AGO4: variants seen among roughly 807,000 people sequenced by gnomAD.
AGO4 encodes the protein argonaute RISC component 4, also known as protein argonaute-4.
AGO4 carries 33 observed loss-of-function variants against 104.7 expected under a neutral mutation model. The observed-to-expected ratio is 0.32, with a 90% CI of 0.24 to 0.42. The LOEUF (loss-of-function observed/expected upper bound fraction) is 0.42, where lower values mean the gene tolerates loss of function less well. Among genes scored for constraint, AGO4 ranks in the 10% least tolerant of loss-of-function variants. AGO4 has a pLI of 1.00. For missense variants in AGO4, 711 were observed against 1,083.4 expected (o/e 0.66, Z 4.83); for synonymous variants, 331 against 364.7 (o/e 0.91, Z 1.05).
intron 6 of AGO4, 129 bp from the exon 7 acceptor site, chr1:35,826,619 A>G: frequency 2.4e-6 from 2 of 826,776 alleles, no homozygotes; most frequent in Non-Finnish European, 4.0e-6. Flanking sequence ...TATAACGATG[A>G]AATTGTCCCC....
At chr1:35,823,651 G>C (rs897094410) in intron 3 of AGO4, among the ~76,000 whole-genome samples, 2 of 150,704 alleles carry the variant, frequency 1.3e-5, no homozygotes, top group Non-Finnish European at 3.0e-5. Flanking sequence ...GGCTGGTCTC[G>C]AACTCCTGAC....
Position 35,841,811 on chromosome 1 carries a change from CAT to C in AGO4, c.2175+87_2175+88del, listed in dbSNP as rs5773512. ...CTCTGGCAAGAGATGTATATATGCA[CAT>C]ATATATATATATATATATATATATA... On this transcript the variant is annotated intron_variant, in intron 15 of 17. Transcript: ENST00000373210. This position sits in a 1 kb window ranked among gnomAD's most constrained non-coding sequence, Gnocchi z 4.7. 0.44 allele frequency: 268,298 copies of C among 603,510 alleles called. 39,184 individuals carry two copies. The highest frequency in any genetic ancestry group is 0.48 in the Non-Finnish European group (197,795 of 414,646). 37.4% of individuals were successfully genotyped at this position (603,510 alleles called of 1,614,324 possible). A position where few individuals can be genotyped will look rare whatever the true frequency, so the allele number is the denominator to read the frequency against.
intron 2 of AGO4, among the ~76,000 whole-genome samples, chr1:35,819,336 C>G (rs1283807674): frequency 6.6e-6 from 1 of 151,350 alleles, no homozygotes; most frequent in Non-Finnish European, 1.5e-5. Flanking sequence ...TAGCTCGTAC[C>G]TGTAATCCCA....
intron 2 of AGO4, among the ~76,000 whole-genome samples, chr1:35,818,639 A>AAGAAAGAAAGAAAGAAAGAAAGAG: frequency 1.0e-5 from 1 of 98,288 alleles, no homozygotes; most frequent in African/African-American, 3.7e-5. Context: ...GAAAGAAAGA[A>AAGAAAGAAAGAAAGAAAGAAAGAG]AGAAAGAAAG....
In AGO4 at chr1:35,832,459, A is replaced by G. The variant is rs368090587; in HGVS notation, c.1268A>G (p.Asn423Ser). ...GGRNKTVATP[N>S]QGVWDMRGKQ... ...AAGAATAAAACAGTAGCCACACCCAACCAGGGTGTCTGGGACATGCGAGGA... is the reference window on the plus strand; with the variant it reads ...AAGAATAAAACAGTAGCCACACCCAGCCAGGGTGTCTGGGACATGCGAGGA... The change falls in exon 11 of 18, where the codon AAC (asparagine) becomes AGC (serine). Residue 423 changes from asparagine to serine, a missense_variant. By Grantham distance (46) the Asn-to-Ser change is conservative. This residue lies in a region of AGO4 where 401 missense variants were observed against 665.5 expected (regional missense o/e 0.60). Coordinates refer to ENST00000373210, the MANE Select transcript of AGO4 (RefSeq NM_017629.4). 31 of 1,609,268 alleles carry G rather than the reference A, an allele frequency of 1.9e-5. No individual in the cohort carries two copies. In the African/African-American group the frequency reaches 3.8e-4, roughly 20 times the overall value.
chr1:35,816,091 G>A (rs901349214), intron 1 of AGO4, among the ~76,000 whole-genome samples: 3 of 152,264 alleles, frequency 2.0e-5, no homozygotes, highest in Non-Finnish European at 2.9e-5. Context: ...TTTCACTATC[G>A]AAATTAGCAA....
intron 16 of AGO4, among the ~76,000 whole-genome samples, chr1:35,850,638 G>T (rs141928209): frequency 5.1e-4 from 77 of 151,740 alleles, no homozygotes; most frequent in African/African-American, 1.8e-3. Flanking sequence ...AAAATTATCT[G>T]GGCATGGTGG....
intron 1 of AGO4, among the ~76,000 whole-genome samples, chr1:35,809,048 T>G (rs940021826): frequency 6.6e-6 from 1 of 152,088 alleles, no homozygotes; most frequent in Admixed American, 6.6e-5. Context: ...AGTCTCAGAG[T>G]GGTCTGAGCC....
At chr1:35,830,793 C>T (rs982369891) in intron 7 of AGO4, among the ~76,000 whole-genome samples, 2 of 151,128 alleles carry the variant, frequency 1.3e-5, no homozygotes, top group Non-Finnish European at 3.0e-5. Flanking sequence ...CTGGCCAATG[C>T]GGTGAAACCC....
At chr1:35,824,776 G>A (rs1364498275) in intron 3 of AGO4, among the ~76,000 whole-genome samples, 1 of 152,082 alleles carries the variant, frequency 6.6e-6, no homozygotes, top group Non-Finnish European at 1.5e-5. Context: ...ACTCCAGCTT[G>A]GATGACAGAG....
At position 35,825,705 on chromosome 1, in the gene AGO4, T is replaced by C; in HGVS notation, c.515T>C (p.Phe172Ser). ...MRYTPVGRSF[F>S]SPPEGYYHPL... is the part of the protein sequence containing the mutation. ...TACACCCCAGTGGGCCGTTCCTTTT[T>C]CTCACCCCCGGAAGGTTACTACCAC... is the stretch of plus-strand genomic sequence containing the variant. Residue 172 changes from phenylalanine to serine, a missense_variant, in exon 5 of 18, where the codon TTC becomes TCC. Phe to Ser is a radical substitution (Grantham distance 155). Coordinates refer to ENST00000373210, the MANE Select transcript of AGO4 (RefSeq NM_017629.4). 1 of 1,568,726 alleles carries C rather than the reference T, an allele frequency of 6.4e-7. No homozygotes were observed. The highest frequency in any genetic ancestry group is 8.6e-7 in the Non-Finnish European group (1 of 1,163,506).
At chr1:35,811,766 A>G (rs1033461403) in intron 1 of AGO4, among the ~76,000 whole-genome samples, 1 of 151,824 alleles carries the variant, frequency 6.6e-6, no homozygotes, top group African/African-American at 2.4e-5. Flanking sequence ...CGCCTGGCTA[A>G]TTTTTGTATT....
rs1397163414 is a variant in AGO4, at chr1:35,816,644, C to A, written c.20-238C>A. ...TGAAACCCTGTCTCTACTAAAAATA[C>A]AAAAATTAGCCAGGCCTGGTGGCAG... is the stretch of plus-strand genomic sequence containing the variant. On this transcript the variant is annotated intron_variant, in intron 1 of 17. Transcript: ENST00000373210. Among the ~76,000 whole-genome samples the A allele has an allele frequency of 2.0e-5, 3 of 151,716 alleles. No individual in the cohort carries two copies. In the South Asian group the frequency reaches 6.3e-4, roughly 32 times the overall value.
At chr1:35,815,657 A>G (rs1032973370) in intron 1 of AGO4, among the ~76,000 whole-genome samples, 16 of 152,206 alleles carry the variant, frequency 1.1e-4, no homozygotes, top group Admixed American at 5.9e-4. Context: ...ATATTACTCT[A>G]TCTACATCAG....
chr1:35,810,773 T>C (rs1571247928), intron 1 of AGO4, among the ~76,000 whole-genome samples: 1 of 152,180 alleles, frequency 6.6e-6, no homozygotes, highest in African/African-American at 2.4e-5. Flanking sequence ...TCATCTGTTC[T>C]ATGTTGTCAT....
At chr1:35,813,498 T>G (rs536870442) in intron 1 of AGO4, among the ~76,000 whole-genome samples, 1 of 151,974 alleles carries the variant, frequency 6.6e-6, no homozygotes, top group African/African-American at 2.4e-5. Flanking sequence ...GGCTCATGAC[T>G]GTAATCCCAG....
At chr1:35,814,867 A>C (rs142014978) in intron 1 of AGO4, among the ~76,000 whole-genome samples, 17 of 152,198 alleles carry the variant, frequency 1.1e-4, no homozygotes, top group African/African-American at 3.4e-4. Flanking sequence ...GTGATGTTGG[A>C]ACAGAACAAC....
At position 35,841,259 on chromosome 1, in the gene AGO4, G is replaced by A; in HGVS notation, c.1819G>A (p.Val607Ile). The A allele has an allele frequency of 1.2e-6, 2 of 1,614,114 alleles. No homozygotes were observed. The highest frequency in any genetic ancestry group is 1.7e-6 in the Non-Finnish European group (2 of 1,180,026). The change falls in exon 14 of 18, where the codon GTT becomes ATT. Residue 607 changes from valine (V) to isoleucine (I), a missense_variant. By Grantham distance (29) the Val-to-Ile change is conservative. This residue lies in a region of AGO4 where 401 missense variants were observed against 665.5 expected (regional missense o/e 0.60). Coordinates refer to ENST00000373210, the MANE Select transcript of AGO4 (RefSeq NM_017629.4). The surrounding 1 kb of genome is among the most constrained non-coding windows in gnomAD (Gnocchi z 4.7). Reference sequence around the variant, plus strand: ...GAAGAAACCTTCCATTGCTGCTGTGGTTGGCAGTATGGATGGCCACCCCAG... The same window carrying A: ...GAAGAAACCTTCCATTGCTGCTGTGATTGGCAGTATGGATGGCCACCCCAG... Reference protein sequence around the residue: ...DGKKPSIAAVVGSMDGHPSRY... With the variant: ...DGKKPSIAAVIGSMDGHPSRY...
chr1:35,819,514 G>T (rs1643838308), intron 2 of AGO4, among the ~76,000 whole-genome samples: 1 of 151,874 alleles, frequency 6.6e-6, no homozygotes, highest in South Asian at 2.1e-4. Context: ...TGGATCACGA[G>T]GTCAGAAGAT....
Sources: gnomAD v4.1 joint callset for allele counts (sites outside exome capture counted in the v4.1 genomes callset) on GRCh38, gnomAD v4.1.1 for gene constraint, gnomAD v4.1.1 regional missense constraint, Gnocchi (gnomAD v3.1) non-coding constraint, MANE v1.5 for transcripts, NCBI Gene and HGNC (gene_info 2026-07-23, HGNC 2026-07-21) for gene names.